Variants in UNC5C observed in about 807,000 individuals in gnomAD.
The protein encoded by UNC5C is unc-5 netrin receptor C.
Under a neutral mutation model 99.8 loss-of-function variants are expected in UNC5C, and 47 were observed. That is an observed-to-expected ratio of 0.47 (90% CI 0.37 to 0.60). The LOEUF is 0.60. Ranked by LOEUF, UNC5C falls within the 20% of genes least tolerant of loss-of-function variation. The pLI, the probability that UNC5C is intolerant of heterozygous loss-of-function variation, is 0.00. For synonymous variants in UNC5C, 487 were observed against 452.2 expected (o/e 1.08, Z -0.98); for missense variants, 1,062 against 1,165.9 (o/e 0.91, Z 1.30).
In UNC5C at chr4:95,335,639, A is replaced by T. The variant is rs770886171; in HGVS notation, c.125-8T>A. 5 of 1,600,018 alleles carry T rather than the reference A, an allele frequency of 3.1e-6. No homozygotes were observed. The highest frequency in any genetic ancestry group is 4.3e-6 in the Non-Finnish European group (5 of 1,173,644). On this transcript the variant is annotated splice_region_variant and splice_polypyrimidine_tract_variant and intron_variant, in intron 1 of 15. Coordinates refer to ENST00000453304, the MANE Select transcript of UNC5C (RefSeq NM_003728.4). ...CATGAAAAAAGTCATCATCTGAGAAAGAAGAAGAAAGTGGAAGATGGTTAA... is the reference window on the plus strand; with the variant it reads ...CATGAAAAAAGTCATCATCTGAGAATGAAGAAGAAAGTGGAAGATGGTTAA...
At chr4:95,227,231 C>T (rs144115788) in intron 7 of UNC5C, among the ~76,000 whole-genome samples, 1 of 151,928 alleles carries the variant, frequency 6.6e-6, no homozygotes, top group African/African-American at 2.4e-5. Flanking sequence ...CTCACTGCAG[C>T]CTCCACCTCT....
chr4:95,425,356 T>C (rs772717948), intron 1 of UNC5C, among the ~76,000 whole-genome samples: 10 of 152,328 alleles, frequency 6.6e-5, no homozygotes, highest in Non-Finnish European at 1.3e-4. Context: ...GAGTCTCGCT[T>C]TGTCACCCAG....
At chr4:95,270,550 C>T (rs1448178173) in intron 4 of UNC5C, among the ~76,000 whole-genome samples, 1 of 152,206 alleles carries the variant, frequency 6.6e-6, no homozygotes, top group Admixed American at 6.5e-5. Flanking sequence ...GGGAAACACT[C>T]TCTTAATTGC....
intron 4 of UNC5C, among the ~76,000 whole-genome samples, chr4:95,260,806 G>C (rs1016691034): frequency 3.9e-5 from 6 of 152,094 alleles, no homozygotes; most frequent in African/African-American, 1.4e-4. Context: ...AGAAGCAGTT[G>C]GGAGGAATGG....
chr4:95,451,288 G>A lies in UNC5C; in HGVS notation c.124+97446C>T, dbSNP rs974161181. ...ATTAGGTTTGAAGCCCACCACAGCA[G>A]CTTGAAACTTTTCCTGCTTACAGCT... On this transcript the variant is annotated intron_variant, in intron 1 of 15. Coordinates refer to ENST00000453304, the MANE Select transcript of UNC5C (RefSeq NM_003728.4). Among the ~76,000 whole-genome samples, 7 of 152,284 alleles carry A rather than the reference G, an allele frequency of 4.6e-5. No individual in the cohort carries two copies. The South Asian group carries it at 1.5e-3, about 32-fold the overall frequency.
intron 1 of UNC5C, among the ~76,000 whole-genome samples, chr4:95,537,302 T>C (rs1256419473): frequency 2.0e-5 from 3 of 152,192 alleles, no homozygotes; most frequent in Non-Finnish European, 4.4e-5. Context: ...ATTGGGGTCA[T>C]ATGCTTAAGC....
chr4:95,219,874 G>GCTGTC (rs1387041675), intron 8 of UNC5C, 111 bp downstream of exon 8: 1 of 1,151,446 alleles, frequency 8.7e-7, no homozygotes, highest in Non-Finnish European at 1.2e-6. Flanking sequence ...AACTCAAATT[G>GCTGTC]CTGTCTTCAT....
At chr4:95,319,182 T>G (rs745727149) in intron 2 of UNC5C, among the ~76,000 whole-genome samples, 36 of 152,202 alleles carry the variant, frequency 2.4e-4, no homozygotes, top group Non-Finnish European at 4.4e-4. Flanking sequence ...ACATTAGCAT[T>G]ACTAGAGAGC....
chr4:95,230,279 T>C (rs964942825), intron 7 of UNC5C, among the ~76,000 whole-genome samples: 10 of 152,212 alleles, frequency 6.6e-5, no homozygotes, highest in Admixed American at 1.3e-4. Flanking sequence ...GTTTGCCCAC[T>C]TTTTGATGGG....
intron 1 of UNC5C, among the ~76,000 whole-genome samples, chr4:95,514,822 G>A (rs911558876): frequency 2.6e-5 from 4 of 151,898 alleles, no homozygotes; most frequent in East Asian, 2.0e-4. Flanking sequence ...ATAGGTGGGT[G>A]CCACCATGCC....
intron 1 of UNC5C, among the ~76,000 whole-genome samples, chr4:95,511,703 A>C (rs879342398): frequency 2.0e-5 from 3 of 152,114 alleles, no homozygotes; most frequent in Non-Finnish European, 4.4e-5. Context: ...TGCTAGATGC[A>C]TAGGAGATAA....
chr4:95,436,861 A>G (rs1746808429), intron 1 of UNC5C, among the ~76,000 whole-genome samples: 1 of 151,856 alleles, frequency 6.6e-6, no homozygotes, highest in African/African-American at 2.4e-5. Context: ...TCTAGCATCT[A>G]ATTTCTATGA....
intron 3 of UNC5C, among the ~76,000 whole-genome samples, chr4:95,289,448 T>C (rs1229896013): frequency 6.6e-6 from 1 of 152,224 alleles, no homozygotes; most frequent in African/African-American, 2.4e-5. Flanking sequence ...GGCCTGACCC[T>C]GCATTAAGCA....
At chr4:95,335,173 T>C (rs961635384) in intron 2 of UNC5C, among the ~76,000 whole-genome samples, 3 of 152,016 alleles carry the variant, frequency 2.0e-5, no homozygotes, top group African/African-American at 7.2e-5. Flanking sequence ...TTCTTAAGTA[T>C]GAACCATGTT....
At chr4:95,394,881 G>T (rs9998674) in intron 1 of UNC5C, among the ~76,000 whole-genome samples, 68,329 of 151,786 alleles carry the variant, frequency 0.45, 15,624 homozygotes, top group East Asian at 0.66. Flanking sequence ...AAAACAACAG[G>T]CTGTGAAAAT....
chr4:95,470,553 G>A (rs150747192), intron 1 of UNC5C, among the ~76,000 whole-genome samples: 11 of 152,094 alleles, frequency 7.2e-5, no homozygotes, highest in Non-Finnish European at 1.6e-4. Context: ...GGGGGAGAGG[G>A]GCAGGTAGTG....
In UNC5C at chr4:95,462,319, T is replaced by C. The variant is rs192670331; in HGVS notation, c.124+86415A>G. On this transcript the variant is annotated intron_variant, in intron 1 of 15. Coordinates refer to ENST00000453304, the MANE Select transcript of UNC5C (RefSeq NM_003728.4). ...AACTAGTCACAGGACAAGAGCACAA[T>C]GTACATTAGGAATTTATACTAACAA... 2.0e-4 allele frequency among the ~76,000 whole-genome samples: 31 copies of C among 152,300 alleles called. 1 individual carries two copies. The highest frequency in any genetic ancestry group is 3.4e-3 in the Middle Eastern group (1 of 294).
chr4:95,427,559 C>A lies in UNC5C; in HGVS notation c.125-91928G>T, dbSNP rs146740066. 4.4e-3 allele frequency among the ~76,000 whole-genome samples: 668 copies of A among 152,192 alleles called. 1 individual carries two copies. Among genetic ancestry groups the A allele is most frequent in the South Asian group, 0.015 (70 of 4,824 alleles). On this transcript the variant is annotated intron_variant, in intron 1 of 15. Coordinates refer to ENST00000453304, the MANE Select transcript of UNC5C (RefSeq NM_003728.4). ...GTAGCCATCAACATCAAGGCAAGAC[C>A]CTCAACAAGCAAAAATATGATAACT...
At chr4:95,462,782 T>C (rs1747643744) in intron 1 of UNC5C, among the ~76,000 whole-genome samples, 1 of 152,348 alleles carries the variant, frequency 6.6e-6, no homozygotes, top group South Asian at 2.1e-4. Flanking sequence ...CCTATTCTTG[T>C]TGATATTCAA....
Sources: gnomAD v4.1 joint callset for allele counts (sites outside exome capture counted in the v4.1 genomes callset) on GRCh38, gnomAD v4.1.1 for gene constraint, MANE v1.5 for transcripts, NCBI Gene and HGNC (gene_info 2026-07-23, HGNC 2026-07-21) for gene names.